Variants in CSMD1 observed in about 807,000 individuals in gnomAD.
The protein encoded by CSMD1 is CUB and Sushi multiple domains 1, also known as CUB and sushi domain-containing protein 1.
In CSMD1, 213 loss-of-function variants were observed where a neutral mutation model predicts 417.5. The observed-to-expected ratio is 0.51, with a 90% CI of 0.46 to 0.57. CSMD1 has a LOEUF of 0.57. Among genes scored for constraint, CSMD1 ranks in the 20% least tolerant of loss-of-function variants. CSMD1 has a pLI of 0.00. For synonymous variants in CSMD1, 2,862 were observed against 1,736.8 expected (o/e 1.65, Z -16.11); for missense variants, 6,923 against 4,529.7 (o/e 1.53, Z -15.17).
intron 2 of CSMD1, among the ~76,000 whole-genome samples, chr8:4,500,051 G>C (rs1365297188): frequency 6.6e-6 from 1 of 150,642 alleles, no homozygotes; most frequent in Non-Finnish European, 1.5e-5. Flanking sequence ...GTATAAAGAG[G>C]CTGGGAGAAT....
At chr8:4,343,050 A>G (rs987760402) in intron 3 of CSMD1, among the ~76,000 whole-genome samples, 4 of 152,078 alleles carry the variant, frequency 2.6e-5, no homozygotes, top group Non-Finnish European at 4.4e-5. Flanking sequence ...CAACATTTCA[A>G]CATTTTAAGT....
chr8:3,551,596 ATTTTTTT>A (rs1194152215), intron 10 of CSMD1, among the ~76,000 whole-genome samples: 2 of 113,432 alleles, frequency 1.8e-5, no homozygotes, highest in African/African-American at 6.7e-5. Flanking sequence ...ATATATATAT[ATTTTTTT>A]TTTTTTTTTT....
At chr8:4,493,227 A>C (rs1048505761) in intron 2 of CSMD1, among the ~76,000 whole-genome samples, 4 of 152,208 alleles carry the variant, frequency 2.6e-5, no homozygotes, top group African/African-American at 9.7e-5. Context: ...AAAATATATT[A>C]GGTAAAATAA....
intron 3 of CSMD1, among the ~76,000 whole-genome samples, chr8:4,097,135 G>A (rs1231635693): frequency 6.6e-6 from 1 of 152,048 alleles, no homozygotes; most frequent in Non-Finnish European, 1.5e-5. Flanking sequence ...GAGCTGCAAC[G>A]AGCTGTTCAT....
intron 4 of CSMD1, among the ~76,000 whole-genome samples, chr8:4,028,040 A>C (rs1245010067): frequency 6.6e-6 from 1 of 152,222 alleles, no homozygotes; most frequent in Non-Finnish European, 1.5e-5. Flanking sequence ...ATACAGGTTT[A>C]GGTTTTGAGG....
At chr8:3,297,207 C>T (rs190583351) in intron 25 of CSMD1, among the ~76,000 whole-genome samples, 2 of 152,142 alleles carry the variant, frequency 1.3e-5, no homozygotes, top group African/African-American at 2.4e-5. Flanking sequence ...TATACAATAT[C>T]AAGGACCAGA....
chr8:3,001,656 C>T lies in CSMD1; in HGVS notation c.8030-1525G>A, dbSNP rs80139957. ...AATTTTGCAATAAAGTGAGAGTACC[C>T]GTATTCTAAAAATAATAATCAATAT... On this transcript the variant is annotated intron_variant, in intron 52 of 69. Coordinates refer to ENST00000635120, the MANE Select transcript of CSMD1 (RefSeq NM_033225.6). Among the ~76,000 whole-genome samples the T allele has an allele frequency of 2.3e-3, 350 of 152,174 alleles. 11 individuals are homozygous for T. In the East Asian group the frequency reaches 0.058, roughly 25 times the overall value.
At position 2,963,311 on chromosome 8, in the gene CSMD1, C is replaced by G. The variant is rs754014870; in HGVS notation, c.9365G>C (p.Ser3122Thr). ...AGAGAGCTGGTAACCGTCCATGCAG[C>G]TGTAACTTATGCTGGAGCCCCAGCG... ...DFRWGSSISY[S>T]CMDGYQLSHS... The change falls in exon 60 of 70, where the codon AGC becomes ACC. Residue 3122 changes from serine (S) to threonine (T), a missense_variant. Transcript: ENST00000635120. 1.9e-6 allele frequency: 3 copies of G among 1,613,854 alleles called. No homozygotes were observed. The highest frequency in any genetic ancestry group is 2.2e-5 in the East Asian group (1 of 44,878).
intron 3 of CSMD1, among the ~76,000 whole-genome samples, chr8:4,229,138 A>G (rs936156053): frequency 6.6e-6 from 1 of 151,824 alleles, no homozygotes; most frequent in East Asian, 1.9e-4. Flanking sequence ...CTAGAGAATA[A>G]CTCCCTTTTT....
At chr8:3,770,758 C>T (rs575868166) in intron 5 of CSMD1, among the ~76,000 whole-genome samples, 236 of 152,192 alleles carry the variant, frequency 1.6e-3, no homozygotes, top group Middle Eastern at 3.4e-3. Flanking sequence ...CTCCATTCCC[C>T]GCCAAACCCA....
At chr8:3,705,192 C>T (rs950156914) in intron 7 of CSMD1, among the ~76,000 whole-genome samples, 2 of 152,166 alleles carry the variant, frequency 1.3e-5, no homozygotes, top group African/African-American at 4.8e-5. Flanking sequence ...TGAGCTGTGG[C>T]TGCTTTCTGC....
At chr8:4,804,161 A>G (rs1489794427) in intron 1 of CSMD1, among the ~76,000 whole-genome samples, 1 of 152,236 alleles carries the variant, frequency 6.6e-6, no homozygotes, top group Non-Finnish European at 1.5e-5. Context: ...ATGCCCTTGT[A>G]TTCTGAATGG....
chr8:3,278,181 G>A lies in CSMD1; in HGVS notation c.4153+5963C>T, dbSNP rs556642046. 2.0e-5 allele frequency among the ~76,000 whole-genome samples: 3 copies of A among 152,222 alleles called. No homozygotes were observed. In the East Asian group the frequency reaches 5.8e-4, roughly 29 times the overall value. On this transcript the variant is annotated intron_variant, in intron 26 of 69. Transcript: ENST00000635120. ...AATAATAAGATGAAAAACAACTGAAGAAAGAGTTTCCAGAAGAGAGAGTCA... is the reference window on the plus strand; with the variant it reads ...AATAATAAGATGAAAAACAACTGAAAAAAGAGTTTCCAGAAGAGAGAGTCA...
chr8:4,130,324 G>C (rs1328354556), intron 3 of CSMD1, among the ~76,000 whole-genome samples: 1 of 152,130 alleles, frequency 6.6e-6, no homozygotes, highest in East Asian at 1.9e-4. Context: ...ATATGCCTAA[G>C]GTCTTCTATT....
At chr8:3,652,311 C>G (rs35347217) in intron 7 of CSMD1, among the ~76,000 whole-genome samples, 2,558 of 151,918 alleles carry the variant, frequency 0.017, 53 homozygotes, top group Middle Eastern at 0.038. Flanking sequence ...CATGCTTAAC[C>G]ACCATCGGAG....
chr8:4,520,326 G>C (rs1803373193), intron 2 of CSMD1, among the ~76,000 whole-genome samples: 1 of 152,184 alleles, frequency 6.6e-6, no homozygotes, highest in South Asian at 2.1e-4. Context: ...ATTTGCTGTA[G>C]ATAATAGTCA....
At chr8:4,892,367 C>T (rs1804177269) in intron 1 of CSMD1, among the ~76,000 whole-genome samples, 2 of 151,966 alleles carry the variant, frequency 1.3e-5, no homozygotes, top group East Asian at 3.9e-4. Context: ...ATGGTGTGAA[C>T]AAGAGCAAGG....
intron 2 of CSMD1, among the ~76,000 whole-genome samples, chr8:4,634,694 A>C (rs922346384): frequency 6.6e-6 from 1 of 152,192 alleles, no homozygotes; most frequent in South Asian, 2.1e-4. Flanking sequence ...GCATAATGGG[A>C]AACGAATAGC....
rs956504982 is a variant in CSMD1, at chr8:3,723,989, A to G, written c.932-15498T>C. ...AATGTTGTGTGAAAGAAAAATGTCCACTATTATCTAAGAGGGATATTAAAA... is the reference window on the plus strand; with the variant it reads ...AATGTTGTGTGAAAGAAAAATGTCCGCTATTATCTAAGAGGGATATTAAAA... On this transcript the variant is annotated intron_variant, in intron 6 of 69. Transcript: ENST00000635120. 2.6e-5 allele frequency among the ~76,000 whole-genome samples: 3 copies of G among 113,656 alleles called. 1 individual carries two copies. Among genetic ancestry groups the G allele is most frequent in the Non-Finnish European group, 4.8e-5 (2 of 41,858 alleles). The allele number at this position is 113,656 out of a possible 152,430, so 74.6% of individuals were successfully genotyped here.
Sources: allele counts gnomAD v4.1 joint callset (sites outside exome capture counted in the v4.1 genomes callset), GRCh38; gene constraint gnomAD v4.1.1; transcripts MANE v1.5; gene names NCBI Gene and HGNC (gene_info 2026-07-23, HGNC 2026-07-21).